NRG1: variants seen among roughly 807,000 people sequenced by gnomAD.
NRG1 encodes the protein pro-neuregulin-1, membrane-bound isoform.
A neutral mutation model predicts 63.8 loss-of-function variants in NRG1; 18 were observed. The ratio of observed to expected loss-of-function variants is 0.28; its 90% CI spans 0.19 to 0.42. The LOEUF is 0.42. Among genes scored for constraint, NRG1 ranks in the 10% least tolerant of loss-of-function variants. The pLI is 1.00. For synonymous variants in NRG1, 302 were observed against 301.3 expected, an observed-to-expected ratio of 1.00 and a Z score of -0.02; for missense variants, 762 against 814.7, an observed-to-expected ratio of 0.94 and a Z score of 0.79.
intron 5 of NRG1, among the ~76,000 whole-genome samples, chr8:32,678,909 G>A (rs1167408051): frequency 8.3e-6 from 1 of 119,814 alleles, no homozygotes; most frequent in Non-Finnish European, 2.0e-5. Flanking sequence ...ATTTATTGGT[G>A]ACGAGCTGGG....
chr8:32,752,324 C>A (rs529751336), intron 7 of NRG1, among the ~76,000 whole-genome samples: 1 of 152,304 alleles, frequency 6.6e-6, no homozygotes, highest in South Asian at 2.1e-4. Context: ...AATTAATTCC[C>A]TGTCCTGTGG....
At chr8:32,038,145 G>T (rs1335396556) in intron 1 of NRG1, among the ~76,000 whole-genome samples, 1 of 152,224 alleles carries the variant, frequency 6.6e-6, no homozygotes, top group Non-Finnish European at 1.5e-5. Context: ...GCTCACAAGG[G>T]CGTGGGTTGC....
intron 1 of NRG1, among the ~76,000 whole-genome samples, chr8:31,917,125 G>A (rs1166434231): frequency 9.3e-6 from 1 of 107,232 alleles, no homozygotes; most frequent in Admixed American, 1.0e-4. Flanking sequence ...AGATGAATAG[G>A]TTGCGAAAAT....
chr8:32,325,149 G>A (rs1326733881), intron 1 of NRG1, among the ~76,000 whole-genome samples: 1 of 152,150 alleles, frequency 6.6e-6, no homozygotes, highest in Non-Finnish European at 1.5e-5. Context: ...AACACTTAAG[G>A]AGGAGGCATG....
At chr8:32,661,609 C>G (rs1435115583) in intron 5 of NRG1, among the ~76,000 whole-genome samples, 1 of 150,910 alleles carries the variant, frequency 6.6e-6, no homozygotes, top group African/African-American at 2.4e-5. Flanking sequence ...AACAGGAATG[C>G]CACTTCATTT....
At chr8:31,964,827 T>A (rs1806052280) in intron 1 of NRG1, among the ~76,000 whole-genome samples, 1 of 152,164 alleles carries the variant, frequency 6.6e-6, no homozygotes. Flanking sequence ...AAAATTAAGT[T>A]ACTTGTCTAG....
chr8:32,754,453 T>C (rs1297915500), exon 8 of NRG1: 5 of 1,613,862 alleles, frequency 3.1e-6, no homozygotes, highest in Non-Finnish European at 4.2e-6. Flanking sequence ...ATCATGTGTG[T>C]GGTGGCCTAC....
intron 1 of NRG1, among the ~76,000 whole-genome samples, chr8:31,723,116 TATAAA>T (rs943921789): frequency 6.6e-6 from 1 of 152,204 alleles, no homozygotes; most frequent in Non-Finnish European, 1.5e-5. Flanking sequence ...ATCTTGATCT[TATAAA>T]ATAAATAAAG....
At chr8:32,623,330 G>C (rs1588771503) in intron 5 of NRG1, among the ~76,000 whole-genome samples, 1 of 152,228 alleles carries the variant, frequency 6.6e-6, no homozygotes, top group East Asian at 1.9e-4. Flanking sequence ...ACTTCTGGGA[G>C]CTTAGCTAAA....
At chr8:32,381,971 G>A (rs997997137) in intron 1 of NRG1, among the ~76,000 whole-genome samples, 16 of 152,124 alleles carry the variant, frequency 1.1e-4, no homozygotes, top group Non-Finnish European at 1.9e-4. Flanking sequence ...AACTCCTAGA[G>A]AGTTTGAACT....
At chr8:31,882,421 T>C (rs1284575803) in intron 1 of NRG1, among the ~76,000 whole-genome samples, 1 of 151,722 alleles carries the variant, frequency 6.6e-6, no homozygotes, top group African/African-American at 2.4e-5. Flanking sequence ...CTGATGGAGA[T>C]GTACAAGAAG....
At chr8:32,039,236 A>G (rs1819545217) in intron 1 of NRG1, among the ~76,000 whole-genome samples, 2 of 152,208 alleles carry the variant, frequency 1.3e-5, no homozygotes, top group African/African-American at 2.4e-5. Context: ...AACAAATAGG[A>G]TATTTGTTGA....
intron 6 of NRG1, among the ~76,000 whole-genome samples, chr8:32,734,991 A>G (rs1824638295): frequency 6.6e-6 from 1 of 152,178 alleles, no homozygotes; most frequent in African/African-American, 2.4e-5. Context: ...CATGTAATTA[A>G]TTGAATTATA....
intron 1 of NRG1, among the ~76,000 whole-genome samples, chr8:32,286,310 C>T (rs1853512299): frequency 6.6e-6 from 1 of 152,282 alleles, no homozygotes; most frequent in South Asian, 2.1e-4. Flanking sequence ...TGTGGCTGAT[C>T]TTGAATGGGC....
At chr8:32,537,549 G>A (rs1212392101) in intron 1 of NRG1, among the ~76,000 whole-genome samples, 1 of 152,136 alleles carries the variant, frequency 6.6e-6, no homozygotes, top group Non-Finnish European at 1.5e-5. Flanking sequence ...AATACGGCTG[G>A]CCTGGATTCA....
At chr8:32,512,968 T>G (rs986511196) in intron 1 of NRG1, among the ~76,000 whole-genome samples, 3 of 152,138 alleles carry the variant, frequency 2.0e-5, no homozygotes, top group African/African-American at 7.2e-5. Context: ...ACTTTTTTGT[T>G]TATTTGTTTT....
Position 32,105,508 on chromosome 8 carries a change from A to G in NRG1, c.37+466077A>G, listed in dbSNP as rs529074860. Among the ~76,000 whole-genome samples, 5 of 152,290 alleles carry G rather than the reference A, an allele frequency of 3.3e-5. No homozygotes were observed. In the South Asian group the frequency reaches 6.2e-4, roughly 19 times the overall value. On this transcript the variant is annotated intron_variant, in intron 1 of 10. Coordinates refer to the NRG1 transcript ENST00000519301. ...GGCAAAGACCCGCCACCATGATTCA[A>G]TTACCTCCCACCAGGTGTCTCCCAC...
chr8:32,108,291 G>C (rs1831543948), intron 1 of NRG1, among the ~76,000 whole-genome samples: 2 of 152,152 alleles, frequency 1.3e-5, no homozygotes, highest in Non-Finnish European at 2.9e-5. Flanking sequence ...ATAAAGAACA[G>C]AAATTTGTTT....
chr8:32,364,673 A>G (rs575849859), intron 1 of NRG1, among the ~76,000 whole-genome samples: 2 of 152,104 alleles, frequency 1.3e-5, no homozygotes, highest in Non-Finnish European at 2.9e-5. Flanking sequence ...TGGGTTATTT[A>G]TCTTTAGTAG....
Sources: allele counts gnomAD v4.1 joint callset (sites outside exome capture counted in the v4.1 genomes callset), GRCh38; gene constraint gnomAD v4.1.1; transcripts MANE v1.5; gene names NCBI Gene and HGNC (gene_info 2026-07-23, HGNC 2026-07-21).